The following PSD3 variants were observed in gnomAD, a reference collection of about 807,000 sequenced individuals.
PSD3 encodes the protein PH and SEC7 domain-containing protein 3.
A neutral mutation model predicts 105.5 loss-of-function variants in PSD3; 49 were observed. The observed-to-expected ratio is 0.46, with a 90% CI of 0.37 to 0.59. PSD3 has a LOEUF of 0.59. Ranked by LOEUF, PSD3 falls within the 20% of genes least tolerant of loss-of-function variation. PSD3 has a pLI of 0.00. For synonymous variants in PSD3, 557 were observed against 457.8 expected (o/e 1.22, Z -2.77); for missense variants, 1,561 against 1,263.8 (o/e 1.24, Z -3.57).
At chr8:18,950,685 C>T (rs553607318) in intron 1 of PSD3, among the ~76,000 whole-genome samples, 1 of 152,162 alleles carries the variant, frequency 6.6e-6, no homozygotes, top group East Asian at 1.9e-4. Context: ...CACTTTGTAC[C>T]CCATAAATAT....
At chr8:18,601,653 C>G (rs1203325252) in intron 11 of PSD3, among the ~76,000 whole-genome samples, 1 of 152,146 alleles carries the variant, frequency 6.6e-6, no homozygotes, top group East Asian at 1.9e-4. Context: ...TCTGCCTCCA[C>G]TAGGTGAGGC....
At chr8:18,764,227 A>G (rs1321305299) in intron 9 of PSD3, among the ~76,000 whole-genome samples, 2 of 152,196 alleles carry the variant, frequency 1.3e-5, no homozygotes, top group African/African-American at 4.8e-5. Context: ...GAGAGACTCC[A>G]TAATTTTCCA....
chr8:18,712,637 T>C (rs535342952), intron 9 of PSD3, among the ~76,000 whole-genome samples: 24 of 152,184 alleles, frequency 1.6e-4, no homozygotes, highest in African/African-American at 5.3e-4. Flanking sequence ...CAGTAATAAA[T>C]AGCCTCCCAA....
chr8:19,055,543 G>A (rs563962956), intron 1 of PSD3, among the ~76,000 whole-genome samples: 43 of 152,316 alleles, frequency 2.8e-4, no homozygotes, highest in African/African-American at 8.7e-4. Flanking sequence ...GTGAGCCACC[G>A]TGCCCGGCCG....
At chr8:18,776,074 T>C (rs1293002069) in intron 8 of PSD3, among the ~76,000 whole-genome samples, 1 of 151,946 alleles carries the variant, frequency 6.6e-6, no homozygotes, top group African/African-American at 2.4e-5. Context: ...GCATATCCAG[T>C]TTTCTGAGCA....
intron 4 of PSD3, among the ~76,000 whole-genome samples, chr8:18,831,301 C>G (rs1308361309): frequency 6.6e-6 from 1 of 152,204 alleles, no homozygotes; most frequent in African/African-American, 2.4e-5. Flanking sequence ...ATAGTACCAC[C>G]TAACTCAATG....
At chr8:18,655,482 G>T (rs780593511) in intron 10 of PSD3, among the ~76,000 whole-genome samples, 160 bp downstream of exon 10, 4 of 152,104 alleles carry the variant, frequency 2.6e-5, no homozygotes, top group African/African-American at 4.8e-5. Flanking sequence ...TTGTATCTGG[G>T]TTTACTTGTA....
chr8:19,003,336 G>A (rs766684092), intron 1 of PSD3, among the ~76,000 whole-genome samples: 1 of 151,760 alleles, frequency 6.6e-6, no homozygotes, highest in African/African-American at 2.4e-5. Context: ...GCGCCTGGGA[G>A]TAGTCACTAC....
chr8:18,560,839 A>G (rs112034645), intron 14 of PSD3, among the ~76,000 whole-genome samples: 321 of 152,310 alleles, frequency 2.1e-3, no homozygotes, highest in African/African-American at 7.4e-3. Flanking sequence ...TCGAAACTTA[A>G]TCCTCATTGT....
At chr8:18,951,775 A>T (rs1232571578) in intron 1 of PSD3, among the ~76,000 whole-genome samples, 2 of 152,114 alleles carry the variant, frequency 1.3e-5, no homozygotes, top group East Asian at 3.9e-4. Context: ...ACCTGAGGTC[A>T]GGAGTTCGAG....
intron 2 of PSD3, among the ~76,000 whole-genome samples, chr8:18,914,958 A>T (rs994005213): frequency 3.3e-5 from 5 of 152,208 alleles, no homozygotes; most frequent in African/African-American, 1.2e-4. Context: ...ATGTACTACG[A>T]AACTATGGTA....
At chr8:18,739,383 C>T (rs1804392105) in intron 9 of PSD3, among the ~76,000 whole-genome samples, 2 of 152,084 alleles carry the variant, frequency 1.3e-5, no homozygotes, top group South Asian at 4.1e-4. Flanking sequence ...TTTAAAGAAA[C>T]AAGAGGCCGG....
chr8:18,603,061 A>C (rs1484584140), intron 11 of PSD3, among the ~76,000 whole-genome samples: 1 of 152,210 alleles, frequency 6.6e-6, no homozygotes, highest in African/African-American at 2.4e-5. Flanking sequence ...GGCTGTGGGG[A>C]ATCAATAGGC....
chr8:18,616,141 G>A (rs182030676), intron 11 of PSD3, among the ~76,000 whole-genome samples: 2 of 152,224 alleles, frequency 1.3e-5, no homozygotes, highest in East Asian at 1.9e-4. Context: ...CCACTCACGC[G>A]CAGGAGCCAG....
intron 1 of PSD3, among the ~76,000 whole-genome samples, chr8:19,076,117 G>A (rs1829457239): frequency 6.7e-6 from 1 of 149,892 alleles, no homozygotes; most frequent in South Asian, 2.1e-4. Flanking sequence ...AAAATACGGT[G>A]GAAGGGCAGT....
At chr8:18,708,447 A>C (rs928397393) in intron 9 of PSD3, among the ~76,000 whole-genome samples, 3 of 152,006 alleles carry the variant, frequency 2.0e-5, no homozygotes, top group Admixed American at 6.6e-5. Flanking sequence ...AAAATTAGAA[A>C]ATTTTTTTTT....
intron 9 of PSD3, among the ~76,000 whole-genome samples, chr8:18,667,955 C>T (rs1178042849): frequency 6.6e-6 from 1 of 152,240 alleles, no homozygotes; most frequent in Non-Finnish European, 1.5e-5. Flanking sequence ...CCGAGGCCAG[C>T]GGCACCGGCC....
intron 15 of PSD3, among the ~76,000 whole-genome samples, chr8:18,544,308 T>G (rs930754433): frequency 5.3e-5 from 8 of 152,018 alleles, no homozygotes; most frequent in Non-Finnish European, 7.4e-5. Context: ...GAGACTCTCC[T>G]TGACCAGGTG....
intron 2 of PSD3, among the ~76,000 whole-genome samples, chr8:18,915,205 A>T (rs1820503143): frequency 6.6e-6 from 1 of 152,232 alleles, no homozygotes; most frequent in Non-Finnish European, 1.5e-5. Flanking sequence ...AATGGATTAA[A>T]GACTTAAATG....
Sources: gnomAD v4.1 joint callset for allele counts (sites outside exome capture counted in the v4.1 genomes callset) on GRCh38, gnomAD v4.1.1 for gene constraint, MANE v1.5 for transcripts, NCBI Gene and HGNC (gene_info 2026-07-23, HGNC 2026-07-21) for gene names.